Variants in TMED3 observed in about 807,000 individuals in gnomAD.
TMED3 encodes transmembrane emp24 domain-containing protein 3.
In TMED3, 9 loss-of-function variants were observed where a neutral mutation model predicts 15.0. That is an observed-to-expected ratio of 0.60 (90% CI 0.36 to 1.04). The LOEUF (loss-of-function observed/expected upper bound fraction) is 1.04, where lower values mean the gene tolerates loss of function less well. Among genes scored for constraint, TMED3 ranks in the 50% least tolerant of loss-of-function variants. The pLI is 0.01. For missense variants in TMED3, 267 were observed against 278.9 expected (o/e 0.96, Z 0.30); for synonymous variants, 117 against 121.4 (o/e 0.96, Z 0.24).
chr15:79,371,036 T>C (rs144111514), intron 2 of TMED3, among the ~76,000 whole-genome samples: 7 of 152,340 alleles, frequency 4.6e-5, no homozygotes, highest in African/African-American at 1.4e-4. Flanking sequence ...GTGATCAAAC[T>C]GAAAGAATAG....
At chr15:79,397,152 C>T (rs552725658) in intron 2 of TMED3, among the ~76,000 whole-genome samples, 5 of 152,276 alleles carry the variant, frequency 3.3e-5, no homozygotes, top group African/African-American at 9.6e-5. Flanking sequence ...TTCTTTTTTA[C>T]ATTCATCTTC....
chr15:79,333,633 A>G (rs2058817410), intron 2 of TMED3, among the ~76,000 whole-genome samples: 1 of 152,234 alleles, frequency 6.6e-6, no homozygotes, highest in Non-Finnish European at 1.5e-5. Context: ...TCCTGGAGAA[A>G]TCGTTCAAGA....
chr15:79,319,853 T>C (rs1024360886), intron 2 of TMED3, among the ~76,000 whole-genome samples: 1 of 152,204 alleles, frequency 6.6e-6, no homozygotes, highest in Non-Finnish European at 1.5e-5. Flanking sequence ...TCAGAGACTT[T>C]TAGTACTTTC....
intron 2 of TMED3, among the ~76,000 whole-genome samples, chr15:79,314,359 G>A (rs1470789699): frequency 6.6e-6 from 1 of 152,168 alleles, no homozygotes; most frequent in African/African-American, 2.4e-5. Context: ...TACTTTGTGT[G>A]GTGTATTAGT....
intron 2 of TMED3, among the ~76,000 whole-genome samples, chr15:79,329,464 G>A (rs774453582): frequency 2.0e-5 from 3 of 152,230 alleles, no homozygotes; most frequent in Non-Finnish European, 4.4e-5. Flanking sequence ...TTGTTAAATA[G>A]CCTGTTTGTG....
intron 2 of TMED3, among the ~76,000 whole-genome samples, chr15:79,320,283 C>T (rs2058760626): frequency 1.3e-5 from 2 of 152,108 alleles, no homozygotes; most frequent in Admixed American, 6.6e-5. Flanking sequence ...TCTGTGTGGC[C>T]TGGTTTTTCC....
intron 2 of TMED3, among the ~76,000 whole-genome samples, chr15:79,360,071 G>T (rs988132760): frequency 8.5e-5 from 13 of 152,160 alleles, no homozygotes; most frequent in African/African-American, 2.9e-4. Context: ...TAGTGAGACT[G>T]CGGGAAGAAA....
chr15:79,384,301 C>G (rs1893591516), intron 2 of TMED3: 1 of 152,214 alleles, frequency 6.6e-6, no homozygotes, highest in African/African-American at 2.4e-5. Context: ...GTATAGTTTT[C>G]TTGGAAGAGG....
chr15:79,316,160 A>G (rs1181593504), intron 2 of TMED3: 2 of 152,316 alleles, frequency 1.3e-5, no homozygotes, highest in African/African-American at 4.8e-5. Flanking sequence ...GCCAGAGGCC[A>G]TGGTTTCTGG....
chr15:79,373,805 G>A (rs1015667662), intron 2 of TMED3, among the ~76,000 whole-genome samples: 4 of 152,188 alleles, frequency 2.6e-5, no homozygotes, highest in African/African-American at 9.6e-5. Flanking sequence ...GGTTTGGTCT[G>A]GAAAGACAGG....
chr15:79,392,147 G>GT (rs989730970), intron 2 of TMED3, among the ~76,000 whole-genome samples: 37 of 151,816 alleles, frequency 2.4e-4, no homozygotes, highest in African/African-American at 5.3e-4. Flanking sequence ...TGTGTACCTT[G>GT]TTTTTTTTGT....
intron 2 of TMED3, among the ~76,000 whole-genome samples, chr15:79,380,105 A>C (rs1893494469): frequency 6.6e-6 from 1 of 152,128 alleles, no homozygotes; most frequent in Non-Finnish European, 1.5e-5. Flanking sequence ...AAAAGCAATC[A>C]CTTAAATATT....
chr15:79,390,235 C>T (rs142452553), intron 2 of TMED3, among the ~76,000 whole-genome samples: 3 of 152,088 alleles, frequency 2.0e-5, no homozygotes, highest in Non-Finnish European at 4.4e-5. Flanking sequence ...TTGTCATGGA[C>T]GGCTTTTATT....
At chr15:79,365,056 T>C (rs765681476) in intron 2 of TMED3, among the ~76,000 whole-genome samples, 9 of 152,262 alleles carry the variant, frequency 5.9e-5, no homozygotes, top group Non-Finnish European at 1.0e-4. Context: ...TCTGTCCCTC[T>C]GCATGCTCCC....
chr15:79,401,494 G>T (rs556795899), intron 2 of TMED3, among the ~76,000 whole-genome samples: 2 of 152,266 alleles, frequency 1.3e-5, no homozygotes, highest in South Asian at 4.2e-4. Context: ...GACATTCTTG[G>T]TTGCCACATT....
chr15:79,398,245 C>G (rs1466527982), intron 2 of TMED3, among the ~76,000 whole-genome samples: 1 of 152,022 alleles, frequency 6.6e-6, no homozygotes, highest in Non-Finnish European at 1.5e-5. Flanking sequence ...CAGTACGTAG[C>G]CTTTTCAGCT....
chr15:79,371,813 A>G (rs1172114592), intron 2 of TMED3, among the ~76,000 whole-genome samples: 1 of 152,100 alleles, frequency 6.6e-6, no homozygotes, highest in Admixed American at 6.6e-5. Flanking sequence ...AAATTTTGCA[A>G]CCTCTGGTTA....
In TMED3 at chr15:79,380,365, G is replaced by T. The variant is rs181347820; in HGVS notation, c.418-31035G>T. Among the ~76,000 whole-genome samples the T allele has an allele frequency of 1.8e-3, 266 of 149,360 alleles. 3 individuals are homozygous for T. The highest frequency in any genetic ancestry group is 6.0e-3 in the African/African-American group (247 of 40,836). ...ACTCTGTCTCAACTATATATATATA[G>T]AGAGAGTTATACACATATATATATA... On this transcript the variant is annotated intron_variant, in intron 2 of 2. Transcript: ENST00000424155.
intron 2 of TMED3, among the ~76,000 whole-genome samples, chr15:79,363,077 T>C (rs945609536): frequency 7.2e-5 from 11 of 152,196 alleles, no homozygotes; most frequent in African/African-American, 2.7e-4. Flanking sequence ...AGTAATTCAT[T>C]AGATGAGAAA....
Sources: gnomAD v4.1 joint callset for allele counts (sites outside exome capture counted in the v4.1 genomes callset) on GRCh38, gnomAD v4.1.1 for gene constraint, MANE v1.5 for transcripts, NCBI Gene and HGNC (gene_info 2026-07-23, HGNC 2026-07-21) for gene names.